ANK2: variants seen among roughly 807,000 people sequenced by gnomAD.
ANK2 encodes ankyrin 2.
A neutral mutation model predicts 360.5 loss-of-function variants in ANK2; 83 were observed. That is an observed-to-expected ratio of 0.23 (90% CI 0.19 to 0.28). ANK2 has a LOEUF of 0.28. Ranked by LOEUF, ANK2 falls within the 10% of genes least tolerant of loss-of-function variation. The pLI, the probability that ANK2 is intolerant of heterozygous loss-of-function variation, is 1.00. For missense variants in ANK2, 4,201 were observed against 4,795.7 expected, an observed-to-expected ratio of 0.88 and a Z score of 3.66; for synonymous variants, 1,740 against 1,759.5, an observed-to-expected ratio of 0.99 and a Z score of 0.28.
In ANK2 at chr4:113,355,728, A is replaced by G. The variant is rs3733615; in HGVS notation, c.7110A>G (p.Gln2370=). Residue 2370 remains glutamine (Q), a synonymous_variant, in exon 38 of 46, where the codon CAA becomes CAG. Coordinates refer to ENST00000357077, the MANE Select transcript of ANK2 (RefSeq NM_001148.6). ...AGACACAAACTGATAGTGAGGTTCA[A>G]GAATCCACAGCCACCTCAGACGAGA... ...AHKTQTDSEV[Q]ESTATSDETK... 280,893 of 1,613,848 alleles carry G rather than the reference A, an allele frequency of 0.17. 31,458 individuals carry two copies. The highest frequency in any genetic ancestry group is 0.57 in the African/African-American group (42,586 of 74,910).
At chr4:113,042,878 C>G (rs889650155) in intron 2 of ANK2, among the ~76,000 whole-genome samples, 6 of 152,166 alleles carry the variant, frequency 3.9e-5, no homozygotes, top group Non-Finnish European at 5.9e-5. Context: ...TTTTCTTGTT[C>G]TTTCAGACTA....
chr4:113,154,674 G>A (rs1245864862), intron 1 of ANK2, among the ~76,000 whole-genome samples: 2 of 152,188 alleles, frequency 1.3e-5, no homozygotes, highest in East Asian at 3.8e-4. Flanking sequence ...TTTCAAGAAA[G>A]TAAATAATGA....
chr4:112,958,281 C>T (rs2032150729), intron 2 of ANK2, among the ~76,000 whole-genome samples: 1 of 152,240 alleles, frequency 6.6e-6, no homozygotes, highest in African/African-American at 2.4e-5. Context: ...GAGATCACGC[C>T]ATTGCACTCC....
rs369887618 is a variant in ANK2, at chr4:112,992,649, A to G, written c.21+88135A>G. 1.4e-4 allele frequency among the ~76,000 whole-genome samples: 21 copies of G among 152,232 alleles called. No homozygotes were observed. The South Asian group carries it at 4.4e-3, about 32-fold the overall frequency. ...TTCTCACTGTGTTCTCACAGGGCAA[A>G]GAGAGGGATGACAAAAAACAAGCTC... On this transcript the variant is annotated intron_variant, in intron 2 of 30. Coordinates refer to the ANK2 transcript ENST00000503271.
chr4:112,894,276 T>G (rs2081079051), intron 1 of ANK2, among the ~76,000 whole-genome samples: 1 of 152,162 alleles, frequency 6.6e-6, no homozygotes, highest in Non-Finnish European at 1.5e-5. Flanking sequence ...CCTTGAGAAA[T>G]TCAGTCTAGT....
chr4:113,318,486 G>A, intron 25 of ANK2, 31 bp from the exon 26 acceptor site: 11 of 1,547,642 alleles, frequency 7.1e-6, no homozygotes, highest in South Asian at 1.1e-5. Context: ...AGCAAAGTGT[G>A]TTTATTCAAT....
intron 27 of ANK2, among the ~76,000 whole-genome samples, chr4:113,331,118 AT>A (rs2153931039): frequency 6.6e-6 from 1 of 152,324 alleles, no homozygotes; most frequent in South Asian, 2.1e-4. Context: ...ATTAAGTGGC[AT>A]TTCATTGTGC....
chr4:113,328,217 T>G (rs561895967), intron 26 of ANK2, among the ~76,000 whole-genome samples: 1 of 152,214 alleles, frequency 6.6e-6, no homozygotes, highest in African/African-American at 2.4e-5. Flanking sequence ...CTTACTAGTT[T>G]GAGTTCCTGT....
Position 113,049,766 on chromosome 4 carries a change from G to A in ANK2, c.38G>A (p.Gly13Glu), listed in dbSNP as rs771799732. 3.7e-6 allele frequency: 6 copies of A among 1,613,860 alleles called. No homozygotes were observed. The highest frequency in any genetic ancestry group is 5.1e-6 in the Non-Finnish European group (6 of 1,179,838). ...NEDAAQKSDS[G>E]EKFNGSSQRR... ...GATGCAGCTCAGAAAAGCGACAGTGGAGAGAAGTTCAACGGCAGTAGTCAG... is the reference window on the plus strand; with the variant it reads ...GATGCAGCTCAGAAAAGCGACAGTGAAGAGAAGTTCAACGGCAGTAGTCAG... The change falls in exon 1 of 46, where the codon GGA (glycine) becomes GAA (glutamate). Residue 13 changes from glycine (G) to glutamate (E), a missense_variant. By Grantham distance (98) the Gly-to-Glu change is moderately conservative. Coordinates refer to ENST00000357077, the MANE Select transcript of ANK2 (RefSeq NM_001148.6).
chr4:112,815,695 A>G (rs759789721), upstream of ANK2, among the ~76,000 whole-genome samples: 9 of 152,190 alleles, frequency 5.9e-5, no homozygotes, highest in Non-Finnish European at 1.2e-4. Flanking sequence ...TCAGTCTCCA[A>G]TGGCCAAAGA....
intron 1 of ANK2, among the ~76,000 whole-genome samples, chr4:113,144,431 T>C (rs1013233051): frequency 2.0e-5 from 3 of 151,774 alleles, no homozygotes; most frequent in African/African-American, 4.9e-5. Context: ...AAAAAAATAA[T>C]GGCAAATGGT....
intron 1 of ANK2, among the ~76,000 whole-genome samples, chr4:112,847,521 G>A (rs887369209): frequency 2.0e-5 from 3 of 152,158 alleles, no homozygotes; most frequent in Non-Finnish European, 2.9e-5. Flanking sequence ...GGTCTTCAGC[G>A]CAAAAATTGT....
At chr4:112,855,139 G>T (rs903959626) in intron 1 of ANK2, among the ~76,000 whole-genome samples, 1 of 152,184 alleles carries the variant, frequency 6.6e-6, no homozygotes, top group Non-Finnish European at 1.5e-5. Flanking sequence ...AATGCTTGGA[G>T]CTAGGGCTAT....
chr4:112,765,230 G>T, the ANK2 span, among the ~76,000 whole-genome samples: 1 of 152,182 alleles, frequency 6.6e-6, no homozygotes, highest in Non-Finnish European at 1.5e-5. Flanking sequence ...TCTAGTCTGT[G>T]TTTAAACATC....
chr4:113,088,896 C>G (rs1032755318), intron 1 of ANK2, among the ~76,000 whole-genome samples: 1 of 152,186 alleles, frequency 6.6e-6, no homozygotes, highest in Non-Finnish European at 1.5e-5. Flanking sequence ...AGTCCCAGCT[C>G]TATTTAAACA....
the ANK2 span, among the ~76,000 whole-genome samples, chr4:112,755,464 A>G: frequency 6.6e-6 from 1 of 152,114 alleles, no homozygotes; most frequent in African/African-American, 2.4e-5. Flanking sequence ...GGGTGGTGGG[A>G]TTATCATTAG....
At chr4:113,232,785 A>T (rs1257642681) in intron 5 of ANK2, among the ~76,000 whole-genome samples, 1 of 152,242 alleles carries the variant, frequency 6.6e-6, no homozygotes, top group African/African-American at 2.4e-5. Flanking sequence ...GTTCAAAATC[A>T]GTCTAGTTTT....
chr4:113,367,688 G>A lies in ANK2; in HGVS notation c.11155G>A (p.Val3719Ile). Residue 3719 changes from valine to isoleucine, a missense_variant, in exon 42 of 46, where the codon GTT becomes ATT. Around this residue, in one of 4 missense-constraint regions of ANK2, gnomAD observed 2,642 missense variants for 2,714.5 expected, o/e 0.97. Transcript: ENST00000357077. ...PPIVSEEDIS[V>I]GYSTFQDGVP... Reference sequence around the variant, plus strand: ...TATCGTCTCAGAGGAAGACATTTCTGTTGGTTATTCCACTTTTCAGGATGG... The same window carrying A: ...TATCGTCTCAGAGGAAGACATTTCTATTGGTTATTCCACTTTTCAGGATGG... 6.2e-7 allele frequency: 1 copy of A among 1,613,980 alleles called. No homozygotes were observed. Among genetic ancestry groups the A allele is most frequent in the Non-Finnish European group, 8.5e-7 (1 of 1,180,000 alleles).
chr4:113,181,375 T>C (rs17445053), intron 2 of ANK2, among the ~76,000 whole-genome samples: 72,468 of 151,990 alleles, frequency 0.48, 17,724 homozygotes, highest in African/African-American at 0.59. Flanking sequence ...TAGCTCATCT[T>C]AGATAGTAGA....
Sources: gnomAD v4.1 joint callset for allele counts (sites outside exome capture counted in the v4.1 genomes callset) on GRCh38, gnomAD v4.1.1 for gene constraint, gnomAD v4.1.1 regional missense constraint, MANE v1.5 for transcripts, NCBI Gene and HGNC (gene_info 2026-07-23, HGNC 2026-07-21) for gene names.